Variants in SND1 observed in about 807,000 individuals in gnomAD.
The protein encoded by SND1 is staphylococcal nuclease domain-containing protein 1.
Under a neutral mutation model 121.7 loss-of-function variants are expected in SND1, and 38 were observed. The ratio of observed to expected loss-of-function variants is 0.31; its 90% CI spans 0.24 to 0.41. SND1 has a LOEUF of 0.41. Ranked by LOEUF, SND1 falls within the 10% of genes least tolerant of loss-of-function variation. The pLI is 1.00. For missense variants in SND1, 868 were observed against 1,184.6 expected (o/e 0.73, Z 3.92); for synonymous variants, 401 against 447.4 (o/e 0.90, Z 1.31).
chr7:127,970,484 G>A (rs546702846), intron 15 of SND1, among the ~76,000 whole-genome samples: 1 of 152,184 alleles, frequency 6.6e-6, no homozygotes, highest in Admixed American at 6.5e-5. Context: ...ACATGAAGAT[G>A]TCTTTGCTGT....
At chr7:128,081,326 G>T (rs775274760) in intron 17 of SND1, 34 bp from the exon 18 acceptor site, 3 of 1,612,418 alleles carry the variant, frequency 1.9e-6, no homozygotes, top group African/African-American at 1.3e-5. Flanking sequence ...TCACTTCCTC[G>T]CCCTCTTCTC....
chr7:127,764,438 T>C (rs954156296), intron 10 of SND1, among the ~76,000 whole-genome samples: 2 of 152,180 alleles, frequency 1.3e-5, no homozygotes, highest in African/African-American at 4.8e-5. Flanking sequence ...TGGAAGGAAC[T>C]CCATGCTCAT....
At chr7:127,921,558 GTGT>G (rs1800705725) in intron 14 of SND1, among the ~76,000 whole-genome samples, 1 of 152,054 alleles carries the variant, frequency 6.6e-6, no homozygotes, top group Non-Finnish European at 1.5e-5. Context: ...TGTTTTTATT[GTGT>G]TGTTGTATAT....
chr7:127,751,703 TG>T, intron 10 of SND1, among the ~76,000 whole-genome samples: 1 of 152,358 alleles, frequency 6.6e-6, no homozygotes, highest in South Asian at 2.1e-4. Flanking sequence ...AGCAAATCTG[TG>T]GGCTGGGCAG....
At chr7:127,777,697 T>C (rs927175045) in intron 10 of SND1, among the ~76,000 whole-genome samples, 14 of 152,134 alleles carry the variant, frequency 9.2e-5, no homozygotes, top group African/African-American at 2.7e-4. Flanking sequence ...AGAAAATCAG[T>C]TGGTTTTGAG....
intron 16 of SND1, among the ~76,000 whole-genome samples, chr7:128,025,399 TTTG>T (rs1803452917): frequency 4.0e-5 from 4 of 100,016 alleles, no homozygotes; most frequent in Non-Finnish European, 8.1e-5. Context: ...GCTCAGTTTC[TTTG>T]ACTGTAAAAT....
intron 5 of SND1, 60 bp downstream of exon 5, chr7:127,701,383 T>G (rs1796097000): frequency 1.3e-6 from 2 of 1,545,918 alleles, no homozygotes; most frequent in African/African-American, 2.7e-5. Flanking sequence ...TTTGCACTCT[T>G]TGCTTCTTGA....
intron 2 of SND1, among the ~76,000 whole-genome samples, chr7:127,690,613 G>T (rs2116315857): frequency 6.6e-6 from 1 of 152,324 alleles, no homozygotes; most frequent in South Asian, 2.1e-4. Context: ...AAAGAAGAGA[G>T]CCTTTCTCTC....
At chr7:128,056,653 A>C (rs1051047913) in intron 16 of SND1, among the ~76,000 whole-genome samples, 7 of 152,222 alleles carry the variant, frequency 4.6e-5, no homozygotes, top group Non-Finnish European at 8.8e-5. Flanking sequence ...TGGCAGACTC[A>C]TGAGCTCATC....
intron 10 of SND1, among the ~76,000 whole-genome samples, chr7:127,723,006 C>A (rs13238924): frequency 6.6e-6 from 1 of 152,008 alleles, no homozygotes; most frequent in African/African-American, 2.4e-5. Flanking sequence ...GCATCTGTGC[C>A]GTACAGTTGG....
chr7:127,717,494 T>G (rs1192957241), intron 9 of SND1, among the ~76,000 whole-genome samples: 1 of 152,198 alleles, frequency 6.6e-6, no homozygotes, highest in Non-Finnish European at 1.5e-5. Context: ...TGGTTGTGCT[T>G]AGGTGCCTGG....
chr7:127,942,108 A>G (rs1448692041), intron 15 of SND1, among the ~76,000 whole-genome samples: 1 of 152,014 alleles, frequency 6.6e-6, no homozygotes, highest in East Asian at 1.9e-4. Flanking sequence ...GTGGGAAGAC[A>G]TGGTAACAGT....
chr7:128,019,938 G>A (rs1429818646), intron 16 of SND1, among the ~76,000 whole-genome samples: 1 of 152,188 alleles, frequency 6.6e-6, no homozygotes, highest in African/African-American at 2.4e-5. Flanking sequence ...GGCCAGGGAG[G>A]TAGAGCGGGA....
intron 10 of SND1, among the ~76,000 whole-genome samples, chr7:127,801,806 A>G (rs1563018397): frequency 6.6e-6 from 1 of 152,186 alleles, no homozygotes; most frequent in Non-Finnish European, 1.5e-5. Flanking sequence ...TGTGGGGTTT[A>G]GGATTGCCAG....
At chr7:128,000,236 G>A (rs1049368714) in intron 16 of SND1, among the ~76,000 whole-genome samples, 1 of 152,112 alleles carries the variant, frequency 6.6e-6, no homozygotes, top group African/African-American at 2.4e-5. Flanking sequence ...CAGACAAGCA[G>A]ATAATTTCTT....
intron 16 of SND1, among the ~76,000 whole-genome samples, chr7:128,005,098 A>G (rs1467661304): frequency 2.0e-5 from 3 of 152,250 alleles, no homozygotes; most frequent in Non-Finnish European, 2.9e-5. Context: ...GTCCAGAATT[A>G]TAGTCAGTTG....
intron 16 of SND1, among the ~76,000 whole-genome samples, chr7:128,005,829 G>A (rs1464374612): frequency 6.6e-6 from 1 of 152,170 alleles, no homozygotes; most frequent in Non-Finnish European, 1.5e-5. Flanking sequence ...CTCTCTAGCA[G>A]AGGCAATACG....
At chr7:127,937,012 A>C (rs1380961578) in intron 15 of SND1, among the ~76,000 whole-genome samples, 1 of 152,236 alleles carries the variant, frequency 6.6e-6, no homozygotes, top group Non-Finnish European at 1.5e-5. Flanking sequence ...CATAGCAGGT[A>C]TCAAGGCATG....
At chr7:128,062,846 G>A (rs1344096203) in intron 16 of SND1, among the ~76,000 whole-genome samples, 1 of 152,190 alleles carries the variant, frequency 6.6e-6, no homozygotes, top group Non-Finnish European at 1.5e-5. Context: ...CTAAGCCCCG[G>A]ATTCCTTCAA....
Sources: gnomAD v4.1 joint callset for allele counts (sites outside exome capture counted in the v4.1 genomes callset) on GRCh38, gnomAD v4.1.1 for gene constraint, MANE v1.5 for transcripts, NCBI Gene and HGNC (gene_info 2026-07-23, HGNC 2026-07-21) for gene names.